Variants in GRID2 observed in about 807,000 individuals in gnomAD.
The protein encoded by GRID2 is glutamate ionotropic receptor delta type subunit 2, also known as glutamate receptor ionotropic, delta-2.
A neutral mutation model predicts 114.8 loss-of-function variants in GRID2; 33 were observed. The ratio of observed to expected loss-of-function variants is 0.29; its 90% CI spans 0.22 to 0.38. The LOEUF (loss-of-function observed/expected upper bound fraction) is 0.38, where lower values mean the gene tolerates loss of function less well. Ranked by LOEUF, GRID2 falls within the 10% of genes least tolerant of loss-of-function variation. The probability of loss-of-function intolerance (pLI) is 1.00; values close to 1 mark genes in which losing one functional copy is unlikely to be tolerated. For missense variants in GRID2, 1,184 were observed against 1,257.7 expected, an observed-to-expected ratio of 0.94 and a Z score of 0.89; for synonymous variants, 505 against 449.9, an observed-to-expected ratio of 1.12 and a Z score of -1.55.
chr4:93,560,417 CATG>C (rs1734811723), intron 13 of GRID2, among the ~76,000 whole-genome samples: 1 of 151,892 alleles, frequency 6.6e-6, no homozygotes, highest in Admixed American at 6.6e-5. Context: ...AGGCACATCA[CATG>C]GTGGAAGCTG....
At chr4:93,151,809 T>C (rs930773103) in intron 4 of GRID2, among the ~76,000 whole-genome samples, 6 of 152,144 alleles carry the variant, frequency 3.9e-5, no homozygotes, top group Admixed American at 3.3e-4. Flanking sequence ...CAAGATGATA[T>C]TTTAATCCAA....
chr4:93,059,946 A>G (rs1368326327), intron 2 of GRID2, among the ~76,000 whole-genome samples: 3 of 152,014 alleles, frequency 2.0e-5, no homozygotes, highest in African/African-American at 7.2e-5. Context: ...GACCACTATC[A>G]TCTTTACTAT....
intron 2 of GRID2, among the ~76,000 whole-genome samples, chr4:92,630,295 G>T (rs139712583): frequency 6.9e-4 from 105 of 152,140 alleles, no homozygotes; most frequent in Non-Finnish European, 1.3e-3. Context: ...CACAAACTCC[G>T]TGTGTATTCT....
intron 13 of GRID2, among the ~76,000 whole-genome samples, chr4:93,525,109 A>C (rs1730754374): frequency 6.6e-6 from 1 of 152,012 alleles, no homozygotes; most frequent in African/African-American, 2.4e-5. Context: ...TGCTAAGTAA[A>C]ATGCAGAACA....
chr4:92,699,623 T>C (rs1011930667), intron 2 of GRID2, among the ~76,000 whole-genome samples: 3 of 152,202 alleles, frequency 2.0e-5, no homozygotes, highest in Middle Eastern at 3.2e-3. Context: ...TAATTTTCGT[T>C]GCTGTTGTAT....
intron 2 of GRID2, among the ~76,000 whole-genome samples, chr4:92,612,805 ATTGT>A (rs919861257): frequency 4.6e-5 from 7 of 151,362 alleles, no homozygotes; most frequent in African/African-American, 1.7e-4. Context: ...GAGGAACTCA[ATTGT>A]TTGTTAAAGT....
intron 2 of GRID2, among the ~76,000 whole-genome samples, chr4:92,591,538 T>A (rs3911133): frequency 0.013 from 2,001 of 152,306 alleles, 32 homozygotes; most frequent in African/African-American, 0.046. Context: ...AGATACCATA[T>A]TAACTGTAAC....
At chr4:92,598,006 A>G (rs996740778) in intron 2 of GRID2, among the ~76,000 whole-genome samples, 2 of 152,170 alleles carry the variant, frequency 1.3e-5, no homozygotes, top group African/African-American at 2.4e-5. Flanking sequence ...GCAAGCTGAC[A>G]TTTACTTTCA....
chr4:93,425,715 G>A (rs1259098305), intron 10 of GRID2, among the ~76,000 whole-genome samples: 1 of 151,986 alleles, frequency 6.6e-6, no homozygotes, highest in Non-Finnish European at 1.5e-5. Flanking sequence ...TCAATTTCTG[G>A]CAACCCTAGC....
At chr4:93,661,859 G>GT (rs1723527477) in intron 14 of GRID2, among the ~76,000 whole-genome samples, 1 of 152,142 alleles carries the variant, frequency 6.6e-6, no homozygotes, top group Non-Finnish European at 1.5e-5. Context: ...TATATAAACC[G>GT]TAAGTGAGAT....
chr4:93,107,097 C>T (rs546065186), intron 3 of GRID2, among the ~76,000 whole-genome samples: 1 of 152,152 alleles, frequency 6.6e-6, no homozygotes, highest in East Asian at 1.9e-4. Flanking sequence ...CTCAGCAGTT[C>T]AAATCAGCCT....
At chr4:92,637,521 A>C (rs945022137) in intron 2 of GRID2, among the ~76,000 whole-genome samples, 1 of 152,040 alleles carries the variant, frequency 6.6e-6, no homozygotes, top group Non-Finnish European at 1.5e-5. Flanking sequence ...CTTGTATCTG[A>C]GAACTTTTCT....
intron 2 of GRID2, among the ~76,000 whole-genome samples, chr4:92,601,016 C>A (rs72882154): frequency 1.7e-3 from 261 of 152,032 alleles, no homozygotes; most frequent in African/African-American, 5.9e-3. Flanking sequence ...AGACCACAGC[C>A]GTCCCTCCCC....
At chr4:92,547,493 A>G (rs1039306324) in intron 1 of GRID2, among the ~76,000 whole-genome samples, 1 of 151,938 alleles carries the variant, frequency 6.6e-6, no homozygotes, top group Non-Finnish European at 1.5e-5. Context: ...TCTCTAGTGA[A>G]CAAACAAAGG....
intron 2 of GRID2, among the ~76,000 whole-genome samples, chr4:92,760,435 G>A (rs1737949376): frequency 6.6e-6 from 1 of 151,920 alleles, no homozygotes; most frequent in Non-Finnish European, 1.5e-5. Context: ...CCCTTTCACT[G>A]AGCAGGTCAC....
At chr4:93,017,391 T>C (rs1197462308) in intron 2 of GRID2, among the ~76,000 whole-genome samples, 2 of 152,214 alleles carry the variant, frequency 1.3e-5, no homozygotes, top group African/African-American at 4.8e-5. Flanking sequence ...TATTTAAGTA[T>C]GAAATTTATT....
intron 1 of GRID2, among the ~76,000 whole-genome samples, chr4:92,482,019 T>TAG (rs1295591318): frequency 1.5e-5 from 1 of 66,808 alleles, no homozygotes; most frequent in African/African-American, 5.0e-5. Flanking sequence ...TATATATATA[T>TAG]ATATATATAT....
chr4:93,688,726 CA>C (rs746316056), intron 14 of GRID2, among the ~76,000 whole-genome samples: 8 of 151,968 alleles, frequency 5.3e-5, no homozygotes, highest in Non-Finnish European at 8.8e-5. Flanking sequence ...AAGTACTTGT[CA>C]AAAGACAGAA....
intron 13 of GRID2, among the ~76,000 whole-genome samples, chr4:93,554,219 A>C (rs1310790220): frequency 6.6e-6 from 1 of 152,170 alleles, no homozygotes; most frequent in Non-Finnish European, 1.5e-5. Context: ...TTTTCTTTTC[A>C]TCATGACATC....
Sources: gnomAD v4.1 joint callset for allele counts (sites outside exome capture counted in the v4.1 genomes callset) on GRCh38, gnomAD v4.1.1 for gene constraint, MANE v1.5 for transcripts, NCBI Gene and HGNC (gene_info 2026-07-23, HGNC 2026-07-21) for gene names.